CAMTA1: variants seen among roughly 807,000 people sequenced by gnomAD.
CAMTA1 encodes calmodulin binding transcription activator 1, also known as calmodulin-binding transcription activator 1.
In CAMTA1, 27 loss-of-function variants were observed where a neutral mutation model predicts 170.9. That is an observed-to-expected ratio of 0.16 (90% CI 0.12 to 0.22). The LOEUF is 0.22. CAMTA1 is among the 10% of genes least tolerant of loss of function. CAMTA1 has a pLI of 1.00. For synonymous variants in CAMTA1, 833 were observed against 891.5 expected, an observed-to-expected ratio of 0.93 and a Z score of 1.17; for missense variants, 1,619 against 2,217.2, an observed-to-expected ratio of 0.73 and a Z score of 5.42.
intron 5 of CAMTA1, among the ~76,000 whole-genome samples, chr1:7,301,624 CT>C (rs1027204232): frequency 2.0e-5 from 3 of 152,156 alleles, no homozygotes; most frequent in Non-Finnish European, 2.9e-5. Flanking sequence ...CTGCTCACCT[CT>C]TCCCCACAGC....
At chr1:7,230,117 C>T (rs985406506) in intron 4 of CAMTA1, among the ~76,000 whole-genome samples, 2 of 152,128 alleles carry the variant, frequency 1.3e-5, no homozygotes, top group South Asian at 2.1e-4. Context: ...GGTGTCCCCC[C>T]CCACCACATC....
intron 3 of CAMTA1, among the ~76,000 whole-genome samples, chr1:6,875,732 G>A (rs1311177248): frequency 6.6e-6 from 1 of 152,144 alleles, no homozygotes; most frequent in Non-Finnish European, 1.5e-5. Flanking sequence ...CTTAATCCTG[G>A]CTGCACATCC....
Position 6,828,093 on chromosome 1 carries a change from C to T in CAMTA1, c.234+2883C>T, listed in dbSNP as rs1201981132. ...GTATGAAATGTCAACTGTCATCTTT[C>T]TCTGTTCTCCATGTTCGTGTGTGCT... On this transcript the variant is annotated intron_variant, in intron 3 of 22. Coordinates refer to ENST00000303635, the MANE Select transcript of CAMTA1 (RefSeq NM_015215.4). 2.0e-5 allele frequency among the ~76,000 whole-genome samples: 3 copies of T among 152,192 alleles called. No individual in the cohort carries two copies. In the East Asian group the frequency reaches 5.8e-4, roughly 29 times the overall value.
At chr1:6,885,836 C>G (rs1308431723) in intron 3 of CAMTA1, among the ~76,000 whole-genome samples, 1 of 152,138 alleles carries the variant, frequency 6.6e-6, no homozygotes, top group Admixed American at 6.5e-5. Context: ...CTCTTTCTGT[C>G]CGTTCCTACT....
In CAMTA1 at chr1:7,532,929, G is replaced by A. The variant is rs1450086586; in HGVS notation, c.510+65028G>A. Among the ~76,000 whole-genome samples the A allele has an allele frequency of 2.0e-5, 3 of 152,180 alleles. No individual in the cohort carries two copies. Among genetic ancestry groups the A allele is most frequent in the Admixed American group, 6.5e-5 (1 of 15,284 alleles). On this transcript the variant is annotated intron_variant, in intron 6 of 22. Coordinates refer to ENST00000303635, the MANE Select transcript of CAMTA1 (RefSeq NM_015215.4). This position sits in a 1 kb window ranked among gnomAD's most constrained non-coding sequence, Gnocchi z 4.2. ...CTCTTATTGGACCAGTGCAGGTGGC[G>A]GCTTTTTGGGAAGGGTGGGATTTCA...
chr1:7,593,599 C>A (rs535622781), intron 6 of CAMTA1, among the ~76,000 whole-genome samples: 1 of 151,068 alleles, frequency 6.6e-6, no homozygotes, highest in African/African-American at 2.4e-5. Flanking sequence ...AAGCGATTCT[C>A]CTGCCTCAGC....
At position 7,685,631 on chromosome 1, in the gene CAMTA1, G is replaced by A. The variant is rs572863130; in HGVS notation, c.2914+7898G>A. ...AATTCTCTGTCATGTCCCCATGGCC[G>A]GCTCTCTCCTGACTACTCTCTTCTC... On this transcript the variant is annotated intron_variant, in intron 11 of 22. Transcript: ENST00000303635. This position sits in a 1 kb window ranked among gnomAD's most constrained non-coding sequence, Gnocchi z 5.7. 5.9e-5 allele frequency among the ~76,000 whole-genome samples: 9 copies of A among 152,170 alleles called. No homozygotes were observed. The highest frequency in any genetic ancestry group is 1.7e-4 in the African/African-American group (7 of 41,502).
intron 6 of CAMTA1, among the ~76,000 whole-genome samples, chr1:7,601,897 T>C (rs1456320423): frequency 6.6e-6 from 1 of 150,900 alleles, no homozygotes; most frequent in East Asian, 2.0e-4. Context: ...AGCAGTACAG[T>C]CCAGCTTTGG....
intron 1 of CAMTA1, among the ~76,000 whole-genome samples, chr1:6,807,644 C>T (rs1266259907): frequency 6.6e-6 from 1 of 150,816 alleles, no homozygotes; most frequent in East Asian, 2.0e-4. Flanking sequence ...CGCTTGAATC[C>T]AGGAGGCGGA....
intron 5 of CAMTA1, among the ~76,000 whole-genome samples, chr1:7,410,816 C>G (rs527737903): frequency 6.6e-6 from 1 of 152,076 alleles, no homozygotes; most frequent in Non-Finnish European, 1.5e-5. Context: ...TGGGCCCACA[C>G]GGGGCGCTCT....
intron 11 of CAMTA1, among the ~76,000 whole-genome samples, chr1:7,723,490 T>G (rs2149803824): frequency 1.3e-5 from 2 of 152,248 alleles, no homozygotes; most frequent in East Asian, 3.9e-4. Context: ...CCAAATAATA[T>G]ATGTAGATAC....
At chr1:6,872,446 G>A (rs1345434813) in intron 3 of CAMTA1, among the ~76,000 whole-genome samples, 1 of 152,084 alleles carries the variant, frequency 6.6e-6, no homozygotes, top group African/African-American at 2.4e-5. Flanking sequence ...ATACAAAGTT[G>A]CCTCATTACC....
rs143328190 is a variant in CAMTA1 at position 7,558,266 on chromosome 1, C to T, written c.511-82134C>T. ...CCAGGGCCCCCGCCCGCTGCCTCTGCTCCTGTGGGACTGGATTCAATACCA... is the reference window on the plus strand; with the variant it reads ...CCAGGGCCCCCGCCCGCTGCCTCTGTTCCTGTGGGACTGGATTCAATACCA... On this transcript the variant is annotated intron_variant, in intron 6 of 22. Coordinates refer to ENST00000303635, the MANE Select transcript of CAMTA1 (RefSeq NM_015215.4). Among the ~76,000 whole-genome samples the T allele has an allele frequency of 7.3e-3, 1,117 of 152,354 alleles. 9 individuals carry two copies. The highest frequency in any genetic ancestry group is 0.012 in the Non-Finnish European group (798 of 68,032).
Position 7,680,868 on chromosome 1 carries a change from C to CAGT in CAMTA1, c.2914+3137_2914+3138insTAG, listed in dbSNP as rs1374687057. ...CGCGCGCGCGCGCGCGCGCCAGCAG[C>CAGT]AGCAGCAGCAGCAGCTGCTGCGGCG... On this transcript the variant is annotated intron_variant, in intron 11 of 22. Coordinates refer to ENST00000303635, the MANE Select transcript of CAMTA1 (RefSeq NM_015215.4). This position sits in a 1 kb window ranked among gnomAD's most constrained non-coding sequence, Gnocchi z 4.4. Among the ~76,000 whole-genome samples the CAGT allele has an allele frequency of 1.4e-5, 2 of 139,596 alleles. No homozygotes were observed. The highest frequency in any genetic ancestry group is 3.2e-5 in the Non-Finnish European group (2 of 62,338). The allele number at this position is 139,596 out of a possible 152,430, so 91.6% of individuals were successfully genotyped here. A position where few individuals can be genotyped will look rare whatever the true frequency, so the allele number is the denominator to read the frequency against.
intron 22 of CAMTA1, among the ~76,000 whole-genome samples, chr1:7,756,458 A>G (rs1029892799): frequency 6.6e-6 from 1 of 152,236 alleles, no homozygotes; most frequent in African/African-American, 2.4e-5. Flanking sequence ...ATATGATGCT[A>G]GTTTGTAAGC....
intron 6 of CAMTA1, among the ~76,000 whole-genome samples, chr1:7,501,138 G>A (rs139944606): frequency 2.0e-5 from 3 of 152,306 alleles, no homozygotes; most frequent in African/African-American, 4.8e-5. Flanking sequence ...AGTATGCTGA[G>A]TAAGCAGGTT....
intron 4 of CAMTA1, among the ~76,000 whole-genome samples, chr1:7,223,882 T>A (rs946908338): frequency 1.5e-4 from 23 of 152,288 alleles, no homozygotes; most frequent in African/African-American, 5.5e-4. Context: ...TATTTACATG[T>A]ATTTATTAGT....
At chr1:7,220,561 C>T (rs957687867) in intron 4 of CAMTA1, among the ~76,000 whole-genome samples, 5 of 152,028 alleles carry the variant, frequency 3.3e-5, no homozygotes, top group Admixed American at 1.3e-4. Flanking sequence ...CTGGTGTTCC[C>T]ACAGTGCCAC....
At chr1:6,864,481 T>C (rs933069843) in intron 3 of CAMTA1, among the ~76,000 whole-genome samples, 11 of 152,192 alleles carry the variant, frequency 7.2e-5, no homozygotes, top group Non-Finnish European at 1.5e-4. Flanking sequence ...GTACTTGAGA[T>C]ACCACCCCAC....
Sources: gnomAD v4.1 joint callset for allele counts (sites outside exome capture counted in the v4.1 genomes callset) on GRCh38, gnomAD v4.1.1 for gene constraint, Gnocchi (gnomAD v3.1) non-coding constraint, MANE v1.5 for transcripts, NCBI Gene and HGNC (gene_info 2026-07-23, HGNC 2026-07-21) for gene names.